The following PCDHA10 variants were observed in gnomAD, a reference collection of about 807,000 sequenced individuals.
PCDHA10 encodes the protein protocadherin alpha-10.
Under a neutral mutation model 61.2 loss-of-function variants are expected in PCDHA10, and 45 were observed. The ratio of observed to expected loss-of-function variants is 0.74; its 90% CI spans 0.58 to 0.94. PCDHA10 has a LOEUF of 0.94. Among genes scored for constraint, PCDHA10 ranks in the 40% least tolerant of loss-of-function variants. The pLI is 0.00. For synonymous variants in PCDHA10, 602 were observed against 548.8 expected (o/e 1.10, Z -1.35); for missense variants, 1,278 against 1,236.2 (o/e 1.03, Z -0.51).
intron 1 of PCDHA10, among the ~76,000 whole-genome samples, chr5:140,937,898 T>C (rs11950543): frequency 0.02 from 2,906 of 145,270 alleles, 39 homozygotes; most frequent in East Asian, 0.058. Flanking sequence ...GGCGACAGAG[T>C]GAGACTCCGT....
Position 140,856,227 on chromosome 5 carries a change from A to C in PCDHA10, c.179A>C (p.Gln60Pro), listed in dbSNP as rs149352769. 4,605 of 1,597,986 alleles carry C rather than the reference A, an allele frequency of 2.9e-3. 355 individuals carry two copies. The highest frequency in any genetic ancestry group is 0.01 in the Middle Eastern group (60 of 5,808). ...GGGCTGGAGCTGGCGGAGCTGGTGC[A>C]GCGCCTGTTCCGGGTGGCGTCCAAA... ...DLGLELAELVQRLFRVASKRH... is the reference protein window; with the variant it reads ...DLGLELAELVPRLFRVASKRH... Residue 60 changes from glutamine (Q) to proline (P), a missense_variant, in exon 1 of 4, where the codon CAG (glutamine) becomes CCG (proline). Gln to Pro is a moderately conservative substitution (Grantham distance 76). Transcript: ENST00000307360.
chr5:140,976,413 C>T (rs560298731), intron 1 of PCDHA10, among the ~76,000 whole-genome samples: 2 of 151,978 alleles, frequency 1.3e-5, no homozygotes, highest in African/African-American at 4.8e-5. Flanking sequence ...TAGCCAGGTA[C>T]GGTGGCAGAT....
intron 1 of PCDHA10, chr5:140,862,835 G>T (rs781856164): frequency 3.5e-6 from 2 of 575,630 alleles, no homozygotes; most frequent in African/African-American, 1.9e-5. Flanking sequence ...CGCGACGCGG[G>T]CATGCCGCCT....
At chr5:140,998,008 T>C (rs1447849810) in intron 3 of PCDHA10, among the ~76,000 whole-genome samples, 6 of 152,128 alleles carry the variant, frequency 3.9e-5, no homozygotes, top group East Asian at 1.9e-4. Flanking sequence ...GAGCCTTCCA[T>C]CCCCACCTCG....
At chr5:140,865,393 T>C (rs1484152946) in intron 1 of PCDHA10, 1 of 152,180 alleles carries the variant, frequency 6.6e-6, no homozygotes, top group Admixed American at 6.5e-5. Flanking sequence ...AAAGTTAATA[T>C]AAATGCTGAA....
At chr5:140,886,515 G>C (rs1554182564) in intron 1 of PCDHA10, among the ~76,000 whole-genome samples, 1 of 151,972 alleles carries the variant, frequency 6.6e-6, no homozygotes, top group East Asian at 1.9e-4. Context: ...TGGATTTTAA[G>C]GTCTGCATAT....
At chr5:140,984,339 A>G (rs956761683) in intron 3 of PCDHA10, among the ~76,000 whole-genome samples, 2 of 152,246 alleles carry the variant, frequency 1.3e-5, no homozygotes, top group Non-Finnish European at 2.9e-5. Context: ...AATAGGAACC[A>G]TGTATTGATA....
intron 1 of PCDHA10, among the ~76,000 whole-genome samples, chr5:140,897,595 A>C (rs2066215346): frequency 6.6e-6 from 1 of 152,132 alleles, no homozygotes; most frequent in Admixed American, 6.5e-5. Context: ...TCATTGTTGG[A>C]CATTTGGGTT....
At chr5:140,870,561 C>T (rs544569992) in intron 1 of PCDHA10, 6 of 1,614,010 alleles carry the variant, frequency 3.7e-6, no homozygotes, top group African/African-American at 1.3e-5. Flanking sequence ...CGCAGGAGAA[C>T]GCGCTGGTGT....
intron 1 of PCDHA10, chr5:140,877,047 C>A (rs372059660): frequency 3.3e-5 from 53 of 1,612,564 alleles, no homozygotes; most frequent in Non-Finnish European, 4.3e-5. Flanking sequence ...CGCTAGACCA[C>A]GAGGAGCTGG....
chr5:140,987,035 G>A (rs992580023), intron 3 of PCDHA10, among the ~76,000 whole-genome samples: 2 of 151,946 alleles, frequency 1.3e-5, no homozygotes, highest in African/African-American at 4.8e-5. Flanking sequence ...TCAACATGGC[G>A]AAACCCCATC....
intron 1 of PCDHA10, among the ~76,000 whole-genome samples, chr5:140,911,247 A>G (rs2075389238): frequency 6.6e-6 from 1 of 152,124 alleles, no homozygotes; most frequent in Non-Finnish European, 1.5e-5. Context: ...AAAAAGTTTC[A>G]TCAGAATTTA....
chr5:140,883,356 C>T (rs147755059), intron 1 of PCDHA10: 31 of 1,614,190 alleles, frequency 1.9e-5, no homozygotes, highest in Non-Finnish European at 2.3e-5. Flanking sequence ...AGAGAAGACA[C>T]TCAGCCTAGC....
At chr5:140,877,926 G>T (rs1554170225) in intron 1 of PCDHA10, 1 of 1,415,760 alleles carries the variant, frequency 7.1e-7, no homozygotes, top group East Asian at 2.5e-5. Flanking sequence ...TTTTCTTTAT[G>T]ATTCTATCCT....
At chr5:141,009,528 G>A in intron 3 of PCDHA10, 99 bp from the exon 4 acceptor site, 4 of 1,508,216 alleles carry the variant, frequency 2.7e-6, no homozygotes, top group Non-Finnish European at 3.5e-6. Flanking sequence ...TTCTGGGGAG[G>A]TTCAGCCTGC....
chr5:140,981,138 G>A (rs1554242668), intron 2 of PCDHA10, among the ~76,000 whole-genome samples: 11 of 152,206 alleles, frequency 7.2e-5, no homozygotes. Flanking sequence ...GTCAAAGAGT[G>A]AGAAAACATT....
chr5:141,001,999 A>G (rs1554258445), intron 3 of PCDHA10, among the ~76,000 whole-genome samples: 1 of 152,198 alleles, frequency 6.6e-6, no homozygotes, highest in African/African-American at 2.4e-5. Flanking sequence ...TTCACTTGCA[A>G]ACACAGAATC....
rs1245365064 is a variant in PCDHA10, at chr5:140,857,067, T to G, written c.1019T>G (p.Leu340Arg). The G allele has an allele frequency of 1.3e-6, 2 of 1,596,142 alleles. No individual in the cohort carries two copies. The highest frequency in any genetic ancestry group is 2.2e-5 in the East Asian group (1 of 44,866). The change falls in exon 1 of 4, where the codon CTG becomes CGG. Residue 340 changes from leucine (L) to arginine (R), a missense_variant. By Grantham distance (102) the Leu-to-Arg change is moderately radical (BLOSUM62 -2). Coordinates refer to ENST00000307360, the MANE Select transcript of PCDHA10 (RefSeq NM_018901.4). ...CACTGCACGGTCCTAGTGGAACTACTGGATGAAAATGATAATTCACCTGAG... is the reference window on the plus strand; with the variant it reads ...CACTGCACGGTCCTAGTGGAACTACGGGATGAAAATGATAATTCACCTGAG... ...VGHCTVLVEL[L>R]DENDNSPEVI...
At chr5:140,978,887 A>C (rs1367734690) in intron 1 of PCDHA10, 62 bp from the exon 2 acceptor site, 14 of 1,611,648 alleles carry the variant, frequency 8.7e-6, no homozygotes, top group Admixed American at 1.7e-5. Flanking sequence ...ATCAATTAGC[A>C]GCATTCCTGG....
Sources: allele counts gnomAD v4.1 joint callset (sites outside exome capture counted in the v4.1 genomes callset), GRCh38; gene constraint gnomAD v4.1.1; transcripts MANE v1.5; gene names NCBI Gene and HGNC (gene_info 2026-07-23, HGNC 2026-07-21).